Variants in GPC6 observed in about 807,000 individuals in gnomAD.
GPC6 encodes the protein glypican-6.
GPC6 carries 14 observed loss-of-function variants against 55.2 expected under a neutral mutation model. The observed-to-expected ratio is 0.25, with a 90% CI of 0.17 to 0.40. The LOEUF is 0.40. GPC6 is among the 10% of genes least tolerant of loss of function. GPC6 has a pLI of 1.00. For missense variants in GPC6, 641 were observed against 708.5 expected (o/e 0.90, Z 1.08); for synonymous variants, 278 against 259.6 (o/e 1.07, Z -0.68).
At chr13:93,916,948 C>T (rs1877324605) in intron 3 of GPC6, among the ~76,000 whole-genome samples, 1 of 152,116 alleles carries the variant, frequency 6.6e-6, no homozygotes, top group Non-Finnish European at 1.5e-5. Flanking sequence ...CCATCCTAAC[C>T]ATAAACTAGT....
intron 4 of GPC6, among the ~76,000 whole-genome samples, chr13:94,175,429 G>C (rs1449872834): frequency 6.6e-6 from 1 of 152,110 alleles, no homozygotes; most frequent in Non-Finnish European, 1.5e-5. Flanking sequence ...GGTGTTCGTT[G>C]TAGGAATACA....
chr13:94,383,463 G>T (rs142877196), intron 7 of GPC6, among the ~76,000 whole-genome samples: 1 of 152,194 alleles, frequency 6.6e-6, no homozygotes, highest in Non-Finnish European at 1.5e-5. Flanking sequence ...AGGAGCGGTG[G>T]CTCACGCCTG....
intron 1 of GPC6, among the ~76,000 whole-genome samples, chr13:93,470,677 C>T (rs1158234956): frequency 6.6e-6 from 1 of 151,732 alleles, no homozygotes; most frequent in Non-Finnish European, 1.5e-5. Flanking sequence ...GAAGTATTCC[C>T]TTCTCTTTTT....
intron 3 of GPC6, among the ~76,000 whole-genome samples, chr13:93,893,000 G>T (rs75814028): frequency 6.6e-6 from 1 of 151,704 alleles, no homozygotes; most frequent in Non-Finnish European, 1.5e-5. Context: ...GCATATTGTC[G>T]TGTTGTCCTT....
intron 2 of GPC6, among the ~76,000 whole-genome samples, chr13:93,590,080 G>A (rs992405045): frequency 6.6e-6 from 1 of 152,162 alleles, no homozygotes; most frequent in Admixed American, 6.6e-5. Flanking sequence ...TTTTCCTGGA[G>A]AAAGTATATT....
intron 2 of GPC6, among the ~76,000 whole-genome samples, chr13:93,826,144 G>C (rs1887237714): frequency 1.3e-5 from 2 of 152,114 alleles, no homozygotes; most frequent in South Asian, 4.1e-4. Flanking sequence ...ACAGGCATGA[G>C]CCACTGCACC....
intron 1 of GPC6, among the ~76,000 whole-genome samples, chr13:93,513,955 C>A (rs1392067903): frequency 6.8e-6 from 1 of 146,268 alleles, no homozygotes; most frequent in East Asian, 2.1e-4. Flanking sequence ...CTCACTGCAA[C>A]CTCCACCTCC....
chr13:93,400,778 G>A (rs1291771034), intron 1 of GPC6, among the ~76,000 whole-genome samples: 1 of 152,100 alleles, frequency 6.6e-6, no homozygotes, highest in Admixed American at 6.5e-5. Context: ...ATTGCAAAAT[G>A]TAATAATGTC....
chr13:93,233,557 C>CAGTTTTGAAATATTA, intron 1 of GPC6, among the ~76,000 whole-genome samples: 1 of 152,152 alleles, frequency 6.6e-6, no homozygotes, highest in South Asian at 2.1e-4. Flanking sequence ...ATTAAGGACA[C>CAGTTTTGAAATATTA]CATTCACAAT....
At chr13:94,268,758 C>T (rs1179285896) in intron 4 of GPC6, among the ~76,000 whole-genome samples, 4 of 152,170 alleles carry the variant, frequency 2.6e-5, no homozygotes, top group Non-Finnish European at 5.9e-5. Context: ...AGGCCTGTGA[C>T]ATGGGATGCT....
chr13:93,346,051 C>G (rs1462245908), intron 1 of GPC6, among the ~76,000 whole-genome samples: 1 of 152,134 alleles, frequency 6.6e-6, no homozygotes, highest in East Asian at 1.9e-4. Context: ...ATTAAGAAAG[C>G]TTTATGGAAT....
At chr13:93,851,821 A>G (rs1888412137) in intron 3 of GPC6, among the ~76,000 whole-genome samples, 2 of 151,818 alleles carry the variant, frequency 1.3e-5, no homozygotes, top group South Asian at 4.1e-4. Context: ...TCCTTCTGCC[A>G]CTTGTTACCT....
At chr13:93,563,726 G>A (rs184705816) in intron 2 of GPC6, among the ~76,000 whole-genome samples, 147 of 151,340 alleles carry the variant, frequency 9.7e-4, no homozygotes, top group Non-Finnish European at 1.4e-3. Context: ...TGGAGCCTGG[G>A]CAGTACCTGA....
At chr13:93,315,233 G>C (rs779792949) in intron 1 of GPC6, among the ~76,000 whole-genome samples, 24 of 151,998 alleles carry the variant, frequency 1.6e-4, no homozygotes, top group Admixed American at 3.9e-4. Context: ...TATGTTGTTT[G>C]TTATGAACAG....
chr13:93,532,100 G>C (rs1594241525), intron 1 of GPC6, among the ~76,000 whole-genome samples: 1 of 152,266 alleles, frequency 6.6e-6, no homozygotes, highest in African/African-American at 2.4e-5. Context: ...TTTTGCCCAA[G>C]TGAGCCCTGT....
chr13:93,296,091 A>T (rs1878488196), intron 1 of GPC6, among the ~76,000 whole-genome samples: 1 of 152,122 alleles, frequency 6.6e-6, no homozygotes, highest in African/African-American at 2.4e-5. Context: ...GGGGGATTTC[A>T]ACATATGAGT....
intron 2 of GPC6, among the ~76,000 whole-genome samples, chr13:93,679,049 T>G (rs1356845449): frequency 1.3e-5 from 2 of 152,154 alleles, no homozygotes; most frequent in Admixed American, 6.6e-5. Flanking sequence ...TTTTGATTTA[T>G]AGAAAATATA....
intron 3 of GPC6, among the ~76,000 whole-genome samples, chr13:93,958,206 C>T (rs1204628103): frequency 6.6e-6 from 1 of 152,112 alleles, no homozygotes; most frequent in Non-Finnish European, 1.5e-5. Flanking sequence ...TATGCAGAAG[C>T]TCTTTAATTT....
Position 93,574,792 on chromosome 13 carries a change from T to C in GPC6, c.319+29371T>C, listed in dbSNP as rs535536347. Among the ~76,000 whole-genome samples, 54 of 152,300 alleles carry C rather than the reference T, an allele frequency of 3.5e-4. 2 individuals carry two copies. The South Asian group carries it at 0.011, about 32-fold the overall frequency. ...GCGTTCTGTCTAGAGATTTGCTTTTTCTGAATATTTCATATAAATAGAATT... is the reference window on the plus strand; with the variant it reads ...GCGTTCTGTCTAGAGATTTGCTTTTCCTGAATATTTCATATAAATAGAATT... On this transcript the variant is annotated intron_variant, in intron 2 of 8. Coordinates refer to ENST00000377047, the MANE Select transcript of GPC6 (RefSeq NM_005708.5).
Sources: allele counts gnomAD v4.1 joint callset (sites outside exome capture counted in the v4.1 genomes callset), GRCh38; gene constraint gnomAD v4.1.1; transcripts MANE v1.5; gene names NCBI Gene and HGNC (gene_info 2026-07-23, HGNC 2026-07-21).